The following GOLM2 variants were observed in gnomAD, a reference collection of about 807,000 sequenced individuals.
The protein encoded by GOLM2 is golgi membrane protein 2.
GOLM2 carries 26 observed loss-of-function variants against 55.9 expected under a neutral mutation model. The observed-to-expected ratio is 0.47, with a 90% CI of 0.34 to 0.65. The LOEUF is 0.65. Ranked by LOEUF, GOLM2 falls within the 30% of genes least tolerant of loss-of-function variation. The pLI is 0.01. For synonymous variants in GOLM2, 165 were observed against 194.6 expected, an observed-to-expected ratio of 0.85 and a Z score of 1.27; for missense variants, 486 against 531.8, an observed-to-expected ratio of 0.91 and a Z score of 0.85.
chr15:44,334,990 C>T (rs1372246133), intron 4 of GOLM2, among the ~76,000 whole-genome samples: 1 of 152,040 alleles, frequency 6.6e-6, no homozygotes, highest in African/African-American at 2.4e-5. Flanking sequence ...AGTACTGCAC[C>T]ACTGCACTCC....
chr15:44,293,566 T>G (rs1009033664), intron 1 of GOLM2, among the ~76,000 whole-genome samples: 1 of 152,224 alleles, frequency 6.6e-6, no homozygotes, highest in Non-Finnish European at 1.5e-5. Context: ...AGGTGTTTTA[T>G]ATAGAATGTC....
chr15:44,332,601 C>T (rs2079029766), intron 4 of GOLM2, among the ~76,000 whole-genome samples: 1 of 151,972 alleles, frequency 6.6e-6, no homozygotes, highest in African/African-American at 2.4e-5. Context: ...CCAAAATATC[C>T]ATCTTTTTAA....
intron 1 of GOLM2, among the ~76,000 whole-genome samples, chr15:44,309,725 T>G (rs759330304): frequency 6.6e-6 from 1 of 152,216 alleles, no homozygotes; most frequent in African/African-American, 2.4e-5. Context: ...CATAAACTTT[T>G]TGACAATGCT....
chr15:44,366,779 T>C (rs1208261315), intron 6 of GOLM2, among the ~76,000 whole-genome samples: 1 of 152,110 alleles, frequency 6.6e-6, no homozygotes, highest in Non-Finnish European at 1.5e-5. Flanking sequence ...GGAGTATTGC[T>C]TGAGGCCAGG....
At chr15:44,361,251 T>C (rs1017508308) in intron 6 of GOLM2, among the ~76,000 whole-genome samples, 3 of 151,988 alleles carry the variant, frequency 2.0e-5, no homozygotes, top group Non-Finnish European at 4.4e-5. Flanking sequence ...TTCAAAAAAT[T>C]AATGAATCGA....
chr15:44,289,481 A>C lies in GOLM2; in HGVS notation c.327+125A>C. ...TATTTCAGTCCTGAAGGCTCCTTTC[A>C]CCCCCAACAACCCTGTTTCTGTCAG... On this transcript the variant is annotated intron_variant, in intron 1 of 9. Coordinates refer to ENST00000299957, the MANE Select transcript of GOLM2 (RefSeq NM_138423.4). This position sits in a 1 kb window ranked among gnomAD's most constrained non-coding sequence, Gnocchi z 4.8. The C allele has an allele frequency of 1.3e-6, 1 of 793,984 alleles. No homozygotes were observed. The allele number at this position is 793,984 out of a possible 1,614,324, so 49.2% of individuals were successfully genotyped here. A position where few individuals can be genotyped will look rare whatever the true frequency, so the allele number is the denominator to read the frequency against.
intron 6 of GOLM2, among the ~76,000 whole-genome samples, chr15:44,347,059 G>A (rs988460640): frequency 6.6e-6 from 1 of 152,150 alleles, no homozygotes; most frequent in Non-Finnish European, 1.5e-5. Context: ...AGGAGTTCGA[G>A]ATTGCAGTGA....
intron 8 of GOLM2, chr15:44,381,983 A>C (rs949192195): frequency 6.6e-6 from 1 of 152,070 alleles, no homozygotes; most frequent in Non-Finnish European, 1.5e-5. Context: ...ATCTTGTAAC[A>C]GTTATTCAAA....
chr15:44,412,415 C>T (rs965209296), intron 9 of GOLM2, among the ~76,000 whole-genome samples: 3 of 151,982 alleles, frequency 2.0e-5, no homozygotes, highest in Admixed American at 6.6e-5. Flanking sequence ...ATTTTAGTAA[C>T]AGTAATCTTT....
chr15:44,305,627 T>A (rs1262481248), intron 1 of GOLM2, among the ~76,000 whole-genome samples: 1 of 152,176 alleles, frequency 6.6e-6, no homozygotes, highest in African/African-American at 2.4e-5. Context: ...GCATCTAGAT[T>A]GGTGAATTCT....
At chr15:44,374,714 A>C (rs1289162287) in intron 6 of GOLM2, among the ~76,000 whole-genome samples, 1 of 152,130 alleles carries the variant, frequency 6.6e-6, no homozygotes, top group Admixed American at 6.6e-5. Context: ...ACTTTTAAAC[A>C]ACTAGATCCT....
intron 6 of GOLM2, among the ~76,000 whole-genome samples, chr15:44,360,962 A>C (rs1290905459): frequency 6.6e-6 from 1 of 151,890 alleles, no homozygotes; most frequent in East Asian, 1.9e-4. Context: ...TACTGGGTAC[A>C]TAATGAAATG....
chr15:44,316,546 G>T (rs1313623988), intron 1 of GOLM2, among the ~76,000 whole-genome samples: 1 of 152,006 alleles, frequency 6.6e-6, no homozygotes, highest in Non-Finnish European at 1.5e-5. Flanking sequence ...ACGAGGTCAG[G>T]AGTTCCAGAC....
chr15:44,373,869 G>A (rs1464737359), intron 6 of GOLM2, among the ~76,000 whole-genome samples: 3 of 152,060 alleles, frequency 2.0e-5, no homozygotes, highest in Non-Finnish European at 4.4e-5. Context: ...GGGAGGCTAA[G>A]ATGGGCGAAT....
intron 8 of GOLM2, among the ~76,000 whole-genome samples, chr15:44,392,380 T>G (rs2079496582): frequency 6.6e-6 from 1 of 151,800 alleles, no homozygotes; most frequent in African/African-American, 2.4e-5. Context: ...CCCAGCACTT[T>G]GGGAGGCCAA....
At chr15:44,381,867 G>A (rs1029085390) in intron 8 of GOLM2, among the ~76,000 whole-genome samples, 1 of 152,038 alleles carries the variant, frequency 6.6e-6, no homozygotes, top group African/African-American at 2.4e-5. Context: ...TGCCCAGGCT[G>A]GTCTTGAACT....
chr15:44,301,704 G>A (rs2078798840), intron 1 of GOLM2, among the ~76,000 whole-genome samples: 1 of 152,040 alleles, frequency 6.6e-6, no homozygotes, highest in South Asian at 2.1e-4. Flanking sequence ...ATGAAAAGAG[G>A]GTTCCAGATG....
chr15:44,347,341 G>A (rs1177976710), intron 6 of GOLM2, among the ~76,000 whole-genome samples: 1 of 152,186 alleles, frequency 6.6e-6, no homozygotes, highest in Non-Finnish European at 1.5e-5. Context: ...AGACAGTCTT[G>A]AATTGAAGAC....
In GOLM2 at chr15:44,380,931, C is replaced by G; in HGVS notation, c.1027C>G (p.Gln343Glu). 1 of 1,598,042 alleles carries G rather than the reference C, an allele frequency of 6.3e-7. No homozygotes were observed. The highest frequency in any genetic ancestry group is 8.5e-7 in the Non-Finnish European group (1 of 1,171,970). ...CAGAATTCAAACAGATATACTAAAGCAGGCTACCAAGGACAGAGTCAGTGA... is the reference window on the plus strand; with the variant it reads ...CAGAATTCAAACAGATATACTAAAGGAGGCTACCAAGGACAGAGTCAGTGA... ...EPRIQTDILKQATKDRVSDFH... is the reference protein window; with the variant it reads ...EPRIQTDILKEATKDRVSDFH... The change falls in exon 8 of 10, where the codon CAG becomes GAG. Residue 343 changes from glutamine (Q) to glutamate (E), a missense_variant. Coordinates refer to ENST00000299957, the MANE Select transcript of GOLM2 (RefSeq NM_138423.4).
Sources: allele counts gnomAD v4.1 joint callset (sites outside exome capture counted in the v4.1 genomes callset), GRCh38; gene constraint gnomAD v4.1.1; non-coding constraint Gnocchi (gnomAD v3.1); transcripts MANE v1.5; gene names NCBI Gene and HGNC (gene_info 2026-07-23, HGNC 2026-07-21).